Variants in SFT2D1 observed in about 807,000 individuals in gnomAD.
The protein encoded by SFT2D1 is SFT2 domain containing 1.
SFT2D1 carries 24 observed loss-of-function variants against 28.1 expected under a neutral mutation model. The ratio of observed to expected loss-of-function variants is 0.85; its 90% CI spans 0.62 to 1.20. The LOEUF is 1.20. Ranked by LOEUF, SFT2D1 falls within the 50% of genes most tolerant of loss-of-function variation. The pLI is 0.00. For synonymous variants in SFT2D1, 82 were observed against 73.7 expected (o/e 1.11, Z -0.58); for missense variants, 181 against 190.9 (o/e 0.95, Z 0.31).
chr6:166,320,669 C>G (rs1003508676), intron 7 of SFT2D1, among the ~76,000 whole-genome samples: 1 of 141,058 alleles, frequency 7.1e-6, no homozygotes, highest in African/African-American at 2.7e-5. Flanking sequence ...GGGCACACCA[C>G]TACACTAATT....
Position 166,330,062 on chromosome 6 carries a change from A to G in SFT2D1, c.150+99T>C. The G allele has an allele frequency of 3.4e-6, 3 of 884,740 alleles. No homozygotes were observed. The South Asian group carries it at 7.1e-5, about 21-fold the overall frequency. 54.8% of individuals were successfully genotyped at this position (884,740 alleles called of 1,614,324 possible). On this transcript the variant is annotated intron_variant, in intron 2 of 7. Transcript: ENST00000361731. ...TAAATACCTTCCACCAAAATGGTCT[A>G]ACAGGGATTTAGTAAAGGACATTAG...
intron 7 of SFT2D1, among the ~76,000 whole-genome samples, chr6:166,321,929 G>A (rs1778365153): frequency 6.6e-6 from 1 of 152,158 alleles, no homozygotes; most frequent in Non-Finnish European, 1.5e-5. Flanking sequence ...TGTCACCAAG[G>A]CTGGAGTGCA....
intron 1 of SFT2D1, among the ~76,000 whole-genome samples, chr6:166,339,604 G>A (rs919130339): frequency 2.0e-5 from 3 of 152,006 alleles, no homozygotes; most frequent in East Asian, 1.9e-4. Flanking sequence ...CACCAAGACT[G>A]CTCTCGTGGA....
Position 166,342,434 on chromosome 6 carries a change from C to T in SFT2D1, c.48G>A (p.Gln16=), listed in dbSNP as rs1778804047. The T allele has an allele frequency of 1.9e-6, 3 of 1,561,028 alleles. No homozygotes were observed. Among genetic ancestry groups the T allele is most frequent in the South Asian group, 1.2e-5 (1 of 84,778 alleles). ...AGTTCGCTACCTGCGCAGTCAGGCCCTGCTCCTCGTCGTCCTGGCCGCTCA... is the reference window on the plus strand; with the variant it reads ...AGTTCGCTACCTGCGCAGTCAGGCCTTGCTCCTCGTCGTCCTGGCCGCTCA... ...RVLSGQDDEE[Q]GLTAQVLDAS... The change falls in exon 1 of 8, where the codon CAG becomes CAA. Residue 16 remains glutamine (Q), a synonymous_variant. Transcript: ENST00000361731.
chr6:166,330,357 G>T, intron 1 of SFT2D1, 110 bp from the exon 2 acceptor site: 1 of 705,044 alleles, frequency 1.4e-6, no homozygotes, highest in Non-Finnish European at 2.4e-6. Context: ...CATTTATTTT[G>T]CATATCACAG....
intron 7 of SFT2D1, 46 bp downstream of exon 7, chr6:166,322,811 A>C: frequency 6.7e-7 from 1 of 1,501,836 alleles, no homozygotes; most frequent in Non-Finnish European, 9.2e-7. Context: ...ATTTGTGTGA[A>C]GATAAGTAAA....
intron 1 of SFT2D1, among the ~76,000 whole-genome samples, chr6:166,335,772 G>A (rs566355774): frequency 2.6e-5 from 4 of 152,306 alleles, no homozygotes; most frequent in South Asian, 4.1e-4. Context: ...AGGAAACAAA[G>A]TTTAGCCGGA....
intron 7 of SFT2D1, 148 bp downstream of exon 7, chr6:166,322,709 A>T (rs1778379241): frequency 5.8e-6 from 4 of 684,008 alleles, no homozygotes; most frequent in African/African-American, 5.6e-5. Flanking sequence ...AAAAAAAAAA[A>T]AAGTATGTTT....
At chr6:166,341,849 T>C (rs1778788173) in intron 1 of SFT2D1, among the ~76,000 whole-genome samples, 2 of 152,124 alleles carry the variant, frequency 1.3e-5, no homozygotes, top group South Asian at 4.1e-4. Flanking sequence ...AAAAATCTCT[T>C]ACCAGGGCTC....
At chr6:166,330,708 TGAGTGCATCC>T (rs1029302720) in intron 1 of SFT2D1, among the ~76,000 whole-genome samples, 27 of 152,326 alleles carry the variant, frequency 1.8e-4, no homozygotes, top group African/African-American at 5.5e-4. Flanking sequence ...TGCCAGAGTC[TGAGTGCATCC>T]GAGTGCATCC....
chr6:166,339,292 C>T (rs1778725493), intron 1 of SFT2D1, among the ~76,000 whole-genome samples: 1 of 152,154 alleles, frequency 6.6e-6, no homozygotes, highest in Non-Finnish European at 1.5e-5. Flanking sequence ...GCCCTCCTCA[C>T]TGCCACTTCC....
chr6:166,342,436 G>T lies in SFT2D1; in HGVS notation c.46C>A (p.Gln16Lys). Residue 16 changes from glutamine (Q) to lysine (K), a missense_variant, in exon 1 of 8, where the codon CAG becomes AAG. Gln to Lys is a moderately conservative substitution (Grantham distance 53). Transcript: ENST00000361731. Reference protein sequence around the residue: ...RVLSGQDDEEQGLTAQVLDAS... With the variant: ...RVLSGQDDEEKGLTAQVLDAS... ...TTCGCTACCTGCGCAGTCAGGCCCT[G>T]CTCCTCGTCGTCCTGGCCGCTCAGG... 1 of 1,560,756 alleles carries T rather than the reference G, an allele frequency of 6.4e-7. No homozygotes were observed. The highest frequency in any genetic ancestry group is 8.7e-7 in the Non-Finnish European group (1 of 1,153,212).
rs561479543 is a variant in SFT2D1 at position 166,336,509 on chromosome 6, G to C, written c.63+5910C>G. 3.9e-5 allele frequency among the ~76,000 whole-genome samples: 6 copies of C among 152,220 alleles called. No homozygotes were observed. The South Asian group carries it at 1.2e-3, about 32-fold the overall frequency. On this transcript the variant is annotated intron_variant, in intron 1 of 7. Coordinates refer to ENST00000361731, the MANE Select transcript of SFT2D1 (RefSeq NM_145169.3). ...TAGACTGGGTAGCTTATAAACAACA[G>C]ACACTTATTTCTCTCAGTTCTAGAG...
At chr6:166,333,565 A>G (rs1778590573) in intron 1 of SFT2D1, among the ~76,000 whole-genome samples, 1 of 152,116 alleles carries the variant, frequency 6.6e-6, no homozygotes, top group Non-Finnish European at 1.5e-5. Flanking sequence ...TCAACAGGAC[A>G]TTCAAATTCC....
intron 1 of SFT2D1, among the ~76,000 whole-genome samples, chr6:166,330,481 T>C (rs1778529540): frequency 6.6e-6 from 1 of 152,148 alleles, no homozygotes; most frequent in African/African-American, 2.4e-5. Flanking sequence ...ATAATATGTT[T>C]CACAAAAGTC....
chr6:166,321,463 C>T (rs1778357052), intron 7 of SFT2D1, among the ~76,000 whole-genome samples: 1 of 152,140 alleles, frequency 6.6e-6, no homozygotes, highest in South Asian at 2.1e-4. Flanking sequence ...TCTCCTTGCT[C>T]TAAAGTTCCT....
chr6:166,340,838 T>C (rs575268228), intron 1 of SFT2D1, among the ~76,000 whole-genome samples: 21 of 152,384 alleles, frequency 1.4e-4, no homozygotes, highest in Non-Finnish European at 2.1e-4. Context: ...GGAACTTGAA[T>C]ATTTGTTAAT....
At chr6:166,339,434 G>A (rs1162282864) in intron 1 of SFT2D1, among the ~76,000 whole-genome samples, 4 of 152,034 alleles carry the variant, frequency 2.6e-5, no homozygotes, top group African/African-American at 9.7e-5. Flanking sequence ...GAAACATCCA[G>A]TATTTTCCTT....
At chr6:166,324,384 A>G in intron 6 of SFT2D1, 153 bp downstream of exon 6, 1 of 626,760 alleles carries the variant, frequency 1.6e-6, no homozygotes, top group Non-Finnish European at 2.8e-6. Flanking sequence ...CAAGTGCAAC[A>G]GGACTCATCG....
Sources: gnomAD v4.1 joint callset for allele counts (sites outside exome capture counted in the v4.1 genomes callset) on GRCh38, gnomAD v4.1.1 for gene constraint, MANE v1.5 for transcripts, NCBI Gene and HGNC (gene_info 2026-07-23, HGNC 2026-07-21) for gene names.